The following LAMA1 variants were observed in gnomAD, a reference collection of about 807,000 sequenced individuals.
LAMA1 encodes laminin subunit alpha 1.
In LAMA1, 219 loss-of-function variants were observed where a neutral mutation model predicts 348.7. That is an observed-to-expected ratio of 0.63 (90% CI 0.56 to 0.70). The LOEUF (loss-of-function observed/expected upper bound fraction) is 0.70, where lower values mean the gene tolerates loss of function less well. Among genes scored for constraint, LAMA1 ranks in the 30% least tolerant of loss-of-function variants. The pLI is 0.00. For missense variants in LAMA1, 3,744 were observed against 3,888.0 expected (o/e 0.96, Z 0.99); for synonymous variants, 1,487 against 1,491.0 (o/e 1.00, Z 0.06).
chr18:7,116,665 T>C (rs908594094), intron 1 of LAMA1, among the ~76,000 whole-genome samples: 2 of 152,226 alleles, frequency 1.3e-5, no homozygotes, highest in Admixed American at 6.5e-5. Context: ...TACATTAAGA[T>C]GTTTTCAACA....
At chr18:7,005,528 C>T (rs1237250241) in intron 29 of LAMA1, among the ~76,000 whole-genome samples, 1 of 152,198 alleles carries the variant, frequency 6.6e-6, no homozygotes, top group Non-Finnish European at 1.5e-5. Flanking sequence ...GCAGGTGGAT[C>T]ATTGGAGGTC....
At chr18:6,980,658 G>A (rs1216236236) in intron 41 of LAMA1, 21 bp from the exon 42 acceptor site, 2 of 1,493,512 alleles carry the variant, frequency 1.3e-6, no homozygotes, top group Admixed American at 1.7e-5. Flanking sequence ...GGAGAAAAAT[G>A]TTTCCTTTCA....
chr18:6,959,719 T>C, intron 53 of LAMA1: 1 of 529,106 alleles, frequency 1.9e-6, no homozygotes, highest in South Asian at 2.0e-5. Flanking sequence ...ATTTCAAACA[T>C]TTCCATTCTG....
chr18:7,026,584 C>T (rs1047451428), intron 16 of LAMA1, among the ~76,000 whole-genome samples: 1 of 152,334 alleles, frequency 6.6e-6, no homozygotes, highest in African/African-American at 2.4e-5. Flanking sequence ...CAGACAGACA[C>T]TGGGACTCCC....
At chr18:7,031,480 A>G (rs1008319713) in intron 16 of LAMA1, among the ~76,000 whole-genome samples, 2 of 152,160 alleles carry the variant, frequency 1.3e-5, no homozygotes, top group Non-Finnish European at 2.9e-5. Flanking sequence ...TATATAAGTG[A>G]GTGTGATTAT....
At chr18:7,038,672 A>AGTGG in intron 11 of LAMA1, 138 bp downstream of exon 11, 1 of 1,181,172 alleles carries the variant, frequency 8.5e-7, no homozygotes, top group Non-Finnish European at 1.2e-6. Flanking sequence ...GCTGCCTTTG[A>AGTGG]CCCACGTCAG....
rs777164107 is a variant in LAMA1, at chr18:7,007,131, C to T, written c.4260+8G>A. On this transcript the variant is annotated splice_region_variant and intron_variant, in intron 29 of 62. Coordinates refer to ENST00000389658, the MANE Select transcript of LAMA1 (RefSeq NM_005559.4). ...AACTCAGGCAAGCACCCCCACAAAC[C>T]AGCATACCAGACACTTCCCGGTGTT... 25 of 1,613,670 alleles carry T rather than the reference C, an allele frequency of 1.5e-5. No homozygotes were observed. The highest frequency in any genetic ancestry group is 1.9e-5 in the Non-Finnish European group (22 of 1,179,956).
At position 6,992,657 on chromosome 18, in the gene LAMA1, G is replaced by A. The variant is rs1276475292; in HGVS notation, c.5072C>T (p.Thr1691Ile). 5 of 1,613,474 alleles carry A rather than the reference G, an allele frequency of 3.1e-6. No homozygotes were observed. Among genetic ancestry groups the A allele is most frequent in the Non-Finnish European group, 4.2e-6 (5 of 1,179,452 alleles). Residue 1691 changes from threonine to isoleucine, a missense_variant, in exon 36 of 63, where the codon ACT becomes ATT. Thr to Ile is a moderately conservative substitution (Grantham distance 89, BLOSUM62 -1). Coordinates refer to ENST00000389658, the MANE Select transcript of LAMA1 (RefSeq NM_005559.4). ...ACCATTCTGTTGCATGTTCTGAAGA[G>A]TAGAATTGGGTAGTAGGAAATCTTC... is the stretch of plus-strand genomic sequence containing the variant. ...LDEDFLLPNS[T>I]LQNMQQNGTS...
rs768468360 is a variant in LAMA1, at chr18:7,013,997, C to T, written c.3181G>A (p.Gly1061Ser). 18 of 1,613,798 alleles carry T rather than the reference C, an allele frequency of 1.1e-5. No individual in the cohort carries two copies. The highest frequency in any genetic ancestry group is 6.7e-5 in the East Asian group (3 of 44,882). ...AATTTTGACTTGCACTGGCAATGGCCGGTGACCACATCGCACCGATGATGA... is the reference window on the plus strand; with the variant it reads ...AATTTTGACTTGCACTGGCAATGGCTGGTGACCACATCGCACCGATGATGA... ...STHHRCDVVTGHCQCKSKFGG... is the reference protein window; with the variant it reads ...STHHRCDVVTSHCQCKSKFGG... The change falls in exon 23 of 63, where the codon GGC becomes AGC. Residue 1061 changes from glycine to serine, a missense_variant. Around this residue, in one of 3 missense-constraint regions of LAMA1, gnomAD observed 1,529 missense variants for 1,689.4 expected, o/e 0.91. Transcript: ENST00000389658.
At chr18:7,020,791 A>G (rs2057911837) in intron 19 of LAMA1, among the ~76,000 whole-genome samples, 1 of 152,116 alleles carries the variant, frequency 6.6e-6, no homozygotes, top group Admixed American at 6.5e-5. Flanking sequence ...CTTACCAGAA[A>G]GATTCATTTC....
At chr18:7,009,835 G>T (rs866325237) in intron 26 of LAMA1, among the ~76,000 whole-genome samples, 1 of 152,086 alleles carries the variant, frequency 6.6e-6, no homozygotes, top group Non-Finnish European at 1.5e-5. Flanking sequence ...TTCTTGCTCG[G>T]TCTCTCTGTC....
rs962171733 is a variant in LAMA1 at position 7,023,327 on chromosome 18, A to G, written c.2538T>C (p.Cys846=). 1.2e-6 allele frequency: 2 copies of G among 1,614,202 alleles called. No individual in the cohort carries two copies. The highest frequency in any genetic ancestry group is 1.7e-6 in the Non-Finnish European group (2 of 1,180,036). ...YGNPTVPGES[C]VPCDCSGNVD... is the part of the protein sequence containing the mutation. ...CGTTGCCGCTGCAGTCACAGGGAAC[A>G]CAAGATTCGCCAGGCACTGTTGGGT... is the stretch of plus-strand genomic sequence containing the variant. The change falls in exon 19 of 63, where the codon TGT becomes TGC. Residue 846 remains cysteine (C), a synonymous_variant. Transcript: ENST00000389658.
At chr18:6,947,124 C>G in intron 61 of LAMA1, 39 bp downstream of exon 61, 1 of 1,613,938 alleles carries the variant, frequency 6.2e-7, no homozygotes, top group Non-Finnish European at 8.5e-7. Context: ...GTCTCTGACA[C>G]TGGGGGGAGG....
intron 17 of LAMA1, among the ~76,000 whole-genome samples, chr18:7,024,677 AC>A (rs1298060913): frequency 6.6e-6 from 1 of 150,842 alleles, no homozygotes; most frequent in Non-Finnish European, 1.5e-5. Context: ...ACTGACACTC[AC>A]TCCTCACTCC....
At chr18:6,978,468 A>G in intron 42 of LAMA1, 90 bp from the exon 43 acceptor site, 4 of 1,228,846 alleles carry the variant, frequency 3.3e-6, no homozygotes, top group Non-Finnish European at 4.7e-6. Flanking sequence ...TCGCACAGAA[A>G]TATATTATTG....
intron 3 of LAMA1, among the ~76,000 whole-genome samples, chr18:7,052,817 G>A (rs957602631): frequency 1.3e-5 from 2 of 152,100 alleles, no homozygotes; most frequent in Middle Eastern, 3.4e-3. Flanking sequence ...TCAGGAGATC[G>A]AGACCATCCT....
At chr18:7,084,119 G>T (rs976615200) in intron 1 of LAMA1, among the ~76,000 whole-genome samples, 1 of 150,536 alleles carries the variant, frequency 6.6e-6, no homozygotes, top group Admixed American at 6.6e-5. Flanking sequence ...GGGCTGTGGG[G>T]TTAGAAATGT....
intron 1 of LAMA1, among the ~76,000 whole-genome samples, chr18:7,103,075 T>C (rs980320918): frequency 3.3e-5 from 5 of 152,224 alleles, no homozygotes; most frequent in Non-Finnish European, 7.3e-5. Context: ...TCTGAACTTC[T>C]TGTTTCTGCT....
At chr18:7,024,281 C>G in intron 18 of LAMA1, 99 bp downstream of exon 18, 1 of 883,398 alleles carries the variant, frequency 1.1e-6, no homozygotes, top group Non-Finnish European at 1.8e-6. Flanking sequence ...AATTATGCAT[C>G]AAAACTCCAA....
Sources: allele counts gnomAD v4.1 joint callset (sites outside exome capture counted in the v4.1 genomes callset), GRCh38; gene constraint gnomAD v4.1.1; regional missense constraint gnomAD v4.1.1; transcripts MANE v1.5; gene names NCBI Gene and HGNC (gene_info 2026-07-23, HGNC 2026-07-21).